Variants in KIAA1549L observed in about 807,000 individuals in gnomAD.
KIAA1549L encodes the protein KIAA1549 like, also known as UPF0606 protein KIAA1549L.
KIAA1549L carries 88 observed loss-of-function variants against 160.7 expected under a neutral mutation model. The ratio of observed to expected loss-of-function variants is 0.55; its 90% CI spans 0.46 to 0.65. The LOEUF is 0.65. Among genes scored for constraint, KIAA1549L ranks in the 30% least tolerant of loss-of-function variants. KIAA1549L has a pLI of 0.00. For missense variants in KIAA1549L, 2,258 were observed against 2,437.5 expected, an observed-to-expected ratio of 0.93 and a Z score of 1.55; for synonymous variants, 950 against 976.7, an observed-to-expected ratio of 0.97 and a Z score of 0.51.
intron 12 of KIAA1549L, among the ~76,000 whole-genome samples, chr11:33,596,845 C>T (rs968417860): frequency 6.6e-6 from 1 of 152,040 alleles, no homozygotes; most frequent in African/African-American, 2.4e-5. Context: ...TGTACCAGTG[C>T]CGCCAGTTGG....
At chr11:33,638,350 C>G (rs1303135023) in intron 16 of KIAA1549L, among the ~76,000 whole-genome samples, 1 of 151,362 alleles carries the variant, frequency 6.6e-6, no homozygotes, top group African/African-American at 2.4e-5. Context: ...TGGATTTATT[C>G]AGTATGTACT....
chr11:33,668,310 A>T lies in KIAA1549L; in HGVS notation c.*156A>T, dbSNP rs1852556150. Reference sequence around the variant, plus strand: ...GAACTATGGGGCTTCTGGGAACAGGAAACTCTTGAACGACTAGATTCTTGG... The same window carrying T: ...GAACTATGGGGCTTCTGGGAACAGGTAACTCTTGAACGACTAGATTCTTGG... On this transcript the variant is annotated 3_prime_UTR_variant, in exon 21 of 21. Transcript: ENST00000658780. 5 of 709,258 alleles carry T rather than the reference A, an allele frequency of 7.0e-6. No homozygotes were observed. The South Asian group carries it at 9.7e-5, about 14-fold the overall frequency. 43.9% of individuals were successfully genotyped at this position (709,258 alleles called of 1,614,324 possible). A position where few individuals can be genotyped will look rare whatever the true frequency, so the allele number is the denominator to read the frequency against.
At chr11:33,552,699 CACACAT>C (rs1354120947) in intron 6 of KIAA1549L, among the ~76,000 whole-genome samples, 3,593 of 89,584 alleles carry the variant, frequency 0.04, 153 homozygotes, top group African/African-American at 0.13. Flanking sequence ...CACACACACA[CACACAT>C]GCGTTTTATA....
chr11:33,667,641 A>G (rs775551777), intron 20 of KIAA1549L, among the ~76,000 whole-genome samples: 2 of 152,132 alleles, frequency 1.3e-5, no homozygotes, highest in African/African-American at 2.4e-5. Context: ...TGAGCCGTCC[A>G]CCTCGGACTT....
chr11:33,535,792 A>G (rs1248125125), intron 1 of KIAA1549L, among the ~76,000 whole-genome samples: 3 of 152,160 alleles, frequency 2.0e-5, no homozygotes, highest in Non-Finnish European at 4.4e-5. Context: ...TCTGCCTGAC[A>G]TACCACCTAG....
At chr11:33,474,570 G>A (rs1458485116) in intron 1 of KIAA1549L, among the ~76,000 whole-genome samples, 2 of 152,196 alleles carry the variant, frequency 1.3e-5, no homozygotes, top group African/African-American at 4.8e-5. Flanking sequence ...ACTCAAGCCT[G>A]GGTTCAACTC....
At chr11:33,652,635 C>G (rs150719771) in intron 17 of KIAA1549L, among the ~76,000 whole-genome samples, 5 of 152,338 alleles carry the variant, frequency 3.3e-5, no homozygotes, top group Non-Finnish European at 7.3e-5. Flanking sequence ...GGTTGTCTGT[C>G]TCCTCCGCTG....
chr11:33,434,699 C>T (rs951889876), intron 1 of KIAA1549L, among the ~76,000 whole-genome samples: 35 of 152,220 alleles, frequency 2.3e-4, no homozygotes, highest in African/African-American at 8.4e-4. Flanking sequence ...AATGTGTTGC[C>T]TCCAAAATCC....
chr11:33,645,001 C>G (rs1851677527), intron 16 of KIAA1549L, among the ~76,000 whole-genome samples: 1 of 152,222 alleles, frequency 6.6e-6, no homozygotes, highest in Non-Finnish European at 1.5e-5. Context: ...GCTGTCTGCC[C>G]ACCCTGGTAC....
intron 1 of KIAA1549L, among the ~76,000 whole-genome samples, chr11:33,415,477 A>G (rs144634003): frequency 9.2e-5 from 14 of 152,214 alleles, no homozygotes; most frequent in Admixed American, 7.2e-4. Context: ...CAGCAAACAA[A>G]TGTGTCACCC....
At chr11:33,478,036 AG>A (rs1852326735) in intron 1 of KIAA1549L, among the ~76,000 whole-genome samples, 1 of 152,248 alleles carries the variant, frequency 6.6e-6, no homozygotes, top group Non-Finnish European at 1.5e-5. Context: ...GTCCAGCCAG[AG>A]GGGGTGTTGG....
intron 1 of KIAA1549L, among the ~76,000 whole-genome samples, chr11:33,436,829 G>A (rs969626972): frequency 5.9e-5 from 9 of 152,138 alleles, no homozygotes; most frequent in South Asian, 2.1e-4. Context: ...GGCAGGAAAG[G>A]GGAGAAGTGA....
At chr11:33,394,621 G>C (rs745396540) in intron 1 of KIAA1549L, among the ~76,000 whole-genome samples, 1 of 152,234 alleles carries the variant, frequency 6.6e-6, no homozygotes, top group South Asian at 2.1e-4. Flanking sequence ...CATCTGTCAC[G>C]GCTCCTGTTT....
At chr11:33,627,560 A>G (rs1851152475) in intron 16 of KIAA1549L, among the ~76,000 whole-genome samples, 1 of 152,056 alleles carries the variant, frequency 6.6e-6, no homozygotes, top group African/African-American at 2.4e-5. Context: ...TGTTTGTAGT[A>G]TTCTCTGATG....
intron 1 of KIAA1549L, among the ~76,000 whole-genome samples, chr11:33,397,992 C>A: frequency 6.9e-6 from 1 of 144,304 alleles, no homozygotes. Context: ...GGCACAATCT[C>A]GGCTCACTGC....
At chr11:33,636,260 C>A (rs561834567) in intron 16 of KIAA1549L, among the ~76,000 whole-genome samples, 11 of 151,978 alleles carry the variant, frequency 7.2e-5, no homozygotes, top group Non-Finnish European at 1.3e-4. Flanking sequence ...TCTAGTGCTT[C>A]CTTTAATAGG....
In KIAA1549L at chr11:33,495,083, T is replaced by TTTA. The variant is rs367711015; in HGVS notation, c.239-46701_239-46699dup. 9.8e-3 allele frequency among the ~76,000 whole-genome samples: 1,486 copies of TTTA among 152,002 alleles called. 21 individuals carry two copies. The highest frequency in any genetic ancestry group is 0.033 in the African/African-American group (1,382 of 41,448). On this transcript the variant is annotated intron_variant, in intron 1 of 20. Transcript: ENST00000658780. ...CAGAAGTTAGAATGGCATTTGCTAC[T>TTTA]TTATTATTATTATTATTATTTTAAT... is the stretch of plus-strand genomic sequence containing the variant.
In KIAA1549L at chr11:33,630,134, C is replaced by T. The variant is rs370823313; in HGVS notation, c.5409+11472C>T. Among the ~76,000 whole-genome samples the T allele has an allele frequency of 9.9e-5, 15 of 151,894 alleles. No homozygotes were observed. In the East Asian group the frequency reaches 1.7e-3, roughly 18 times the overall value. On this transcript the variant is annotated intron_variant, in intron 16 of 20. Coordinates refer to ENST00000658780, the MANE Select transcript of KIAA1549L (RefSeq NM_012194.3). ...GACCCACTTGAGGAGGCAGTCTGCC[C>T]GTTCTCAGATCTCCAGCTGCATGCT... is the stretch of plus-strand genomic sequence containing the variant.
intron 10 of KIAA1549L, 148 bp from the exon 11 acceptor site, chr11:33,583,190 G>A (rs530337902): frequency 4.6e-6 from 3 of 654,896 alleles, no homozygotes; most frequent in East Asian, 2.9e-5. Flanking sequence ...ACACAGCTGC[G>A]GAGGTGGAGG....
Sources: allele counts gnomAD v4.1 joint callset (sites outside exome capture counted in the v4.1 genomes callset), GRCh38; gene constraint gnomAD v4.1.1; transcripts MANE v1.5; gene names NCBI Gene and HGNC (gene_info 2026-07-23, HGNC 2026-07-21).